TLK1: variants seen among roughly 807,000 people sequenced by gnomAD.
TLK1 encodes serine/threonine-protein kinase tousled-like 1.
TLK1 carries 24 observed loss-of-function variants against 105.3 expected under a neutral mutation model. That is an observed-to-expected ratio of 0.23 (90% CI 0.17 to 0.32). The LOEUF (loss-of-function observed/expected upper bound fraction) is 0.32, where lower values mean the gene tolerates loss of function less well. TLK1 is among the 10% of genes least tolerant of loss of function. The pLI is 1.00. For synonymous variants in TLK1, 321 were observed against 310.4 expected (o/e 1.03, Z -0.36); for missense variants, 558 against 910.5 (o/e 0.61, Z 4.98).
chr2:170,996,573 T>G, intron 20 of TLK1, 80 bp downstream of exon 20: 1 of 1,169,252 alleles, frequency 8.6e-7, no homozygotes, highest in South Asian at 1.4e-5. Context: ...CTTTACTTAC[T>G]GGAAAGTACT....
In TLK1 at chr2:171,006,143, T is replaced by C. The variant is rs1433325482; in HGVS notation, c.1904+4A>G. ...CATTCTGATGTTTTTAGTAATACAC[T>C]TACCAGTAAGTGCCTGCCCCCTGGG... On this transcript the variant is annotated splice_donor_region_variant and intron_variant, in intron 18 of 20. Transcript: ENST00000431350. The C allele has an allele frequency of 1.3e-6, 2 of 1,578,258 alleles. No individual in the cohort carries two copies. The highest frequency in any genetic ancestry group is 1.7e-6 in the Non-Finnish European group (2 of 1,166,480).
intron 3 of TLK1, chr2:171,081,640 C>G: frequency 7.7e-7 from 1 of 1,303,790 alleles, no homozygotes; most frequent in Non-Finnish European, 1.0e-6. Flanking sequence ...TAACGCTTAC[C>G]TCAAGGGAAC....
chr2:171,188,209 T>C (rs1370720010), intron 1 of TLK1, among the ~76,000 whole-genome samples: 5 of 152,196 alleles, frequency 3.3e-5, no homozygotes, highest in Non-Finnish European at 4.4e-5. Context: ...ATCCAAAGTC[T>C]CTTAGCTTAA....
At chr2:171,119,807 T>C (rs138335705) in intron 1 of TLK1, among the ~76,000 whole-genome samples, 1 of 152,194 alleles carries the variant, frequency 6.6e-6, no homozygotes, top group African/African-American at 2.4e-5. Flanking sequence ...TTTAACCATA[T>C]AAAAAAATTA....
chr2:171,049,910 T>C lies in TLK1; in HGVS notation c.884A>G (p.Gln295Arg), dbSNP rs771616669. ...AAAGTGCCCGAGGCGTAATCGATCT[T>C]GCATACTCTTCTCTCTGCTTGACAG... ...EKLSSREKSM[Q>R]DRLRLGHFTT... Residue 295 changes from glutamine to arginine, a missense_variant, in exon 10 of 21, where the codon CAA becomes CGA. By Grantham distance (43) the Gln-to-Arg change is conservative. Coordinates refer to ENST00000431350, the MANE Select transcript of TLK1 (RefSeq NM_012290.5). 2 of 1,613,906 alleles carry C rather than the reference T, an allele frequency of 1.2e-6. No homozygotes were observed. Among genetic ancestry groups the C allele is most frequent in the Non-Finnish European group, 1.7e-6 (2 of 1,179,954 alleles).
chr2:171,034,527 G>A (rs1192559286), intron 11 of TLK1, among the ~76,000 whole-genome samples: 1 of 152,158 alleles, frequency 6.6e-6, no homozygotes, highest in East Asian at 1.9e-4. Flanking sequence ...ACAACATTCA[G>A]AAGAAGCAAA....
intron 12 of TLK1, chr2:171,023,191 A>C (rs1685608280): frequency 2.1e-6 from 1 of 470,682 alleles, no homozygotes; most frequent in Non-Finnish European, 4.4e-6. Context: ...GGAGAGAGAG[A>C]GAAAGAAATG....
chr2:171,012,239 ATGTTCAACT>A (rs1028192082), intron 13 of TLK1, among the ~76,000 whole-genome samples: 7 of 152,134 alleles, frequency 4.6e-5, no homozygotes, highest in African/African-American at 1.4e-4. Flanking sequence ...CAACATTAGG[ATGTTCAACT>A]TGTGCGTTTT....
chr2:171,018,324 T>C (rs572859338), intron 12 of TLK1, among the ~76,000 whole-genome samples: 41 of 152,378 alleles, frequency 2.7e-4, no homozygotes, highest in African/African-American at 9.4e-4. Flanking sequence ...ATTTCTGTTG[T>C]TTAGGTGCCC....
chr2:171,201,812 A>C (rs2105320361), intron 1 of TLK1, among the ~76,000 whole-genome samples: 1 of 152,326 alleles, frequency 6.6e-6, no homozygotes, highest in Middle Eastern at 3.4e-3. Context: ...GATGTGACCA[A>C]CTGGAGAGGG....
chr2:171,036,394 C>A (rs779111857), intron 11 of TLK1, among the ~76,000 whole-genome samples: 10 of 152,034 alleles, frequency 6.6e-5, no homozygotes, highest in East Asian at 1.9e-4. Context: ...GTCTCCCCCC[C>A]CAAAAAAAGC....
intron 11 of TLK1, among the ~76,000 whole-genome samples, chr2:171,033,829 C>G (rs1317333734): frequency 6.7e-6 from 1 of 149,096 alleles, no homozygotes; most frequent in African/African-American, 2.5e-5. Flanking sequence ...TAAAAGACAA[C>G]TTACAGAATA....
intron 2 of TLK1, among the ~76,000 whole-genome samples, chr2:171,101,217 G>A (rs56004444): frequency 2.0e-5 from 3 of 151,730 alleles, no homozygotes; most frequent in South Asian, 2.1e-4. Context: ...GTGGTGGTAC[G>A]TGCCTGTAAT....
chr2:171,141,471 T>G (rs972250907), intron 1 of TLK1, among the ~76,000 whole-genome samples: 1 of 152,032 alleles, frequency 6.6e-6, no homozygotes, highest in Admixed American at 6.6e-5. Flanking sequence ...AACACCAAGC[T>G]GAACAAATAA....
chr2:171,038,448 A>G (rs1375681114), intron 11 of TLK1, among the ~76,000 whole-genome samples: 1 of 152,202 alleles, frequency 6.6e-6, no homozygotes, highest in Non-Finnish European at 1.5e-5. Context: ...ATACATAACT[A>G]AAGCTATAAT....
chr2:171,150,006 A>G (rs1279282285), intron 1 of TLK1, among the ~76,000 whole-genome samples: 2 of 152,250 alleles, frequency 1.3e-5, no homozygotes, highest in Admixed American at 6.5e-5. Flanking sequence ...ATAGCCAGAT[A>G]AAATATAATG....
At chr2:171,038,470 A>G (rs1259922232) in intron 11 of TLK1, among the ~76,000 whole-genome samples, 1 of 151,976 alleles carries the variant, frequency 6.6e-6, no homozygotes, top group African/African-American at 2.4e-5. Context: ...TTCTCTCGAT[A>G]CTCTTTCAGA....
chr2:171,043,594 T>C (rs183907829), intron 11 of TLK1, among the ~76,000 whole-genome samples: 4 of 152,174 alleles, frequency 2.6e-5, no homozygotes, highest in Admixed American at 2.6e-4. Context: ...GGAGAGATTA[T>C]AAACATCACC....
chr2:171,000,608 T>C (rs1479167580), intron 18 of TLK1, among the ~76,000 whole-genome samples: 1 of 152,122 alleles, frequency 6.6e-6, no homozygotes, highest in African/African-American at 2.4e-5. Context: ...CTTGTCATCT[T>C]TAGGTTGAGT....
Sources: gnomAD v4.1 joint callset for allele counts (sites outside exome capture counted in the v4.1 genomes callset) on GRCh38, gnomAD v4.1.1 for gene constraint, MANE v1.5 for transcripts, NCBI Gene and HGNC (gene_info 2026-07-23, HGNC 2026-07-21) for gene names.